Variants in SLC26A6 observed in about 807,000 individuals in gnomAD.
The protein encoded by SLC26A6 is anion exchange transporter.
SLC26A6 carries 67 observed loss-of-function variants against 87.1 expected under a neutral mutation model. The ratio of observed to expected loss-of-function variants is 0.77; its 90% confidence interval spans 0.63 to 0.94. The LOEUF is 0.94. Among genes scored for constraint, SLC26A6 ranks in the 40% least tolerant of loss-of-function variants. The pLI is 0.00. For missense variants in SLC26A6, 902 were observed against 973.0 expected (o/e 0.93, Z 0.97); for synonymous variants, 414 against 405.9 (o/e 1.02, Z -0.24).
chr3:48,630,296 GTC>G lies in SLC26A6; in HGVS notation c.1326+140_1327-140del, dbSNP rs1257682584. ...AACCCCCACCCAGCCCCTGACCCTTGTCTCCAAATCTCACCTTGAAGATCTCA... is the reference window on the plus strand; with the variant it reads ...AACCCCCACCCAGCCCCTGACCCTTGTCCAAATCTCACCTTGAAGATCTCA... On this transcript the variant is annotated intron_variant, in intron 11 of 20. Coordinates refer to ENST00000395550, the MANE Select transcript of SLC26A6 (RefSeq NM_022911.3). The G allele has an allele frequency of 5.2e-5, 68 of 1,299,662 alleles. 1 individual carries two copies. The South Asian group carries it at 9.0e-4, about 17-fold the overall frequency. 80.5% of individuals were successfully genotyped at this position (1,299,662 alleles called of 1,614,324 possible).
rs200158731 is a variant in SLC26A6 at position 48,632,292 on chromosome 3, G to A, written c.538C>T (p.Arg180Trp). The A allele has an allele frequency of 1.1e-5, 18 of 1,612,560 alleles. 1 individual carries two copies. The highest frequency in any genetic ancestry group is 1.6e-4 in the Middle Eastern group (1 of 6,080). Residue 180 changes from arginine (R) to tryptophan (W), a missense_variant, in exon 5 of 21, where the codon CGG becomes TGG. Coordinates refer to ENST00000395550, the MANE Select transcript of SLC26A6 (RefSeq NM_022911.3). ...CTGAGTGTGGAGGCCACCTGTACCC[G>A]GGCAGCATCTCTGGCTGTCTCATTG... The part of the protein sequence containing the change: ...MINETARDAA[R>W]VQVASTLSVL...
At chr3:48,632,680 G>A (rs1373169815) in intron 4 of SLC26A6, 3 of 689,174 alleles carry the variant, frequency 4.4e-6, no homozygotes, top group Admixed American at 4.1e-5. Flanking sequence ...TGTGGAGTAG[G>A]GAAGGGGTCA....
Position 48,632,357 on chromosome 3 carries a change from G to C in SLC26A6, c.473C>G (p.Thr158Arg). The change falls in exon 5 of 21, where the codon ACA (threonine) becomes AGA (arginine). Residue 158 changes from threonine to arginine, a missense_variant. Transcript: ENST00000395550. ...AVMSVMVGSV[T>R]ESLAPQALND... ...CAAGGCCTGCGGGGCCAGGGATTCT[G>C]TCACACTGCCCACCATCACAGACAT... The C allele has an allele frequency of 6.2e-7, 1 of 1,612,276 alleles. No homozygotes were observed. Among genetic ancestry groups the C allele is most frequent in the Non-Finnish European group, 8.5e-7 (1 of 1,179,376 alleles).
At chr3:48,632,156 C>T (rs1443603567) in intron 5 of SLC26A6, 89 bp downstream of exon 5, 26 of 1,576,390 alleles carry the variant, frequency 1.6e-5, no homozygotes, top group Admixed American at 3.5e-5. Context: ...AGGAGGACGA[C>T]GATGGTCAGA....
Position 48,633,316 on chromosome 3 carries a change from A to G in SLC26A6, c.257T>C (p.Val86Ala). 1 of 1,613,636 alleles carries G rather than the reference A, an allele frequency of 6.2e-7. No individual in the cohort carries two copies. Among genetic ancestry groups the G allele is most frequent in the Non-Finnish European group, 8.5e-7 (1 of 1,180,014 alleles). ...CAGGTCACCCAGGAGCCAGTCACGC[A>G]CAGGATACCGGGGTAACCAGACCAA... Reference protein sequence around the residue: ...PVLVWLPRYPVRDWLLGDLLS... With the variant: ...PVLVWLPRYPARDWLLGDLLS... The change falls in exon 3 of 21, where the codon GTG (valine) becomes GCG (alanine). Residue 86 changes from valine (V) to alanine (A), a missense_variant. This residue lies in a region of SLC26A6 where 800 missense variants were observed against 856.8 expected (regional missense o/e 0.93). Transcript: ENST00000395550.
intron 7 of SLC26A6, 99 bp from the exon 8 acceptor site, chr3:48,631,405 C>A: frequency 7.4e-7 from 1 of 1,352,526 alleles, no homozygotes; most frequent in Non-Finnish European, 9.8e-7. Context: ...TGGGCAAAAC[C>A]TTCTTCGAGG....
chr3:48,633,303 G>A lies in SLC26A6; in HGVS notation c.270C>T (p.Leu90=), dbSNP rs374762225. ...WLPRYPVRDW[L]LGDLLSGLSV... ...TCAGGCCGGATAACAGGTCACCCAGGAGCCAGTCACGCACAGGATACCGGG... is the reference window on the plus strand; with the variant it reads ...TCAGGCCGGATAACAGGTCACCCAGAAGCCAGTCACGCACAGGATACCGGG... Residue 90 remains leucine (L), a synonymous_variant, in exon 3 of 21, where the codon CTC becomes CTT. Transcript: ENST00000395550. The A allele has an allele frequency of 6.2e-7, 1 of 1,613,590 alleles. No individual in the cohort carries two copies. The highest frequency in any genetic ancestry group is 1.3e-5 in the African/African-American group (1 of 75,064).
Position 48,632,036 on chromosome 3 carries a change from C to G in SLC26A6, c.594G>C (p.Leu198=). The change falls in exon 6 of 21, where the codon CTG becomes CTC. Residue 198 remains leucine (L), a synonymous_variant. Coordinates refer to ENST00000395550, the MANE Select transcript of SLC26A6 (RefSeq NM_022911.3). ...SVLVGLFQVG[L]GLIHFGFVVT... ...CCACGAAGCCGAAGTGGATCAGGCC[C>G]AGCCCCACCTGTGGGGCGGCCAGGG... 2 of 1,613,208 alleles carry G rather than the reference C, an allele frequency of 1.2e-6. No individual in the cohort carries two copies. The highest frequency in any genetic ancestry group is 1.7e-6 in the Non-Finnish European group (2 of 1,179,954).
Position 48,633,634 on chromosome 3 carries a change from G to A in SLC26A6, c.25C>T (p.Pro9Ser), listed in dbSNP as rs1206347384. Residue 9 changes from proline to serine, a missense_variant and splice_region_variant, in exon 2 of 21, where the codon CCG becomes TCG. Coordinates refer to ENST00000395550, the MANE Select transcript of SLC26A6 (RefSeq NM_022911.3). The part of the protein sequence containing the change: MGLADASG[P>S]RDTQALLSAT... ...GACAGCAGTGCCTGTGTGTCCCTCG[G>A]TCTGGGGTGGCAAGACCAGAGAGAC... The A allele has an allele frequency of 6.2e-7, 1 of 1,613,306 alleles. No individual in the cohort carries two copies. The highest frequency in any genetic ancestry group is 1.7e-5 in the Admixed American group (1 of 60,008).
chr3:48,626,600 A>G (rs372641499), intron 19 of SLC26A6, 31 bp downstream of exon 19: 3 of 1,613,974 alleles, frequency 1.9e-6, no homozygotes, highest in South Asian at 2.2e-5. Flanking sequence ...CCCTCTTCCC[A>G]GGTCCCTCCT....
chr3:48,635,201 C>T (rs2046922595), intron 1 of SLC26A6, among the ~76,000 whole-genome samples, 170 bp downstream of exon 1: 1 of 152,030 alleles, frequency 6.6e-6, no homozygotes, highest in African/African-American at 2.4e-5. Context: ...CGCGCCGGCT[C>T]CCGCCCCCAC....
rs1038795349 is a variant in SLC26A6, at chr3:48,626,740, G to C, written c.2074-55C>G. On this transcript the variant is annotated intron_variant, in intron 18 of 20. Coordinates refer to ENST00000395550, the MANE Select transcript of SLC26A6 (RefSeq NM_022911.3). Reference sequence around the variant, plus strand: ...GGGAGGCTCAGGGACTCAGAGGGGGGCTCGGGCAGGCTTGGGGAGGGAGTT... The same window carrying C: ...GGGAGGCTCAGGGACTCAGAGGGGGCCTCGGGCAGGCTTGGGGAGGGAGTT... 3.7e-6 allele frequency: 6 copies of C among 1,611,582 alleles called. No homozygotes were observed. The Admixed American group carries it at 1.0e-4, about 27-fold the overall frequency.
rs776797541 is a variant in SLC26A6 at position 48,633,030 on chromosome 3, G to A, written c.377C>T (p.Ser126Phe). Residue 126 changes from serine (S) to phenylalanine (F), a missense_variant, in exon 4 of 21, where the codon TCC (serine) becomes TTC (phenylalanine). By Grantham distance (155) the Ser-to-Phe change is radical (BLOSUM62 -2). Coordinates refer to ENST00000395550, the MANE Select transcript of SLC26A6 (RefSeq NM_022911.3). ...GAAGTAGATGAAGACAGGGTAGAAG[G>A]AGCTATAGAGGCCAAACACGGGGGG... is the stretch of plus-strand genomic sequence containing the variant. ...GLPPVFGLYS[S>F]FYPVFIYFLF... 1.1e-5 allele frequency: 17 copies of A among 1,613,602 alleles called. No homozygotes were observed. The highest frequency in any genetic ancestry group is 8.3e-5 in the Admixed American group (5 of 59,984).
intron 11 of SLC26A6, 121 bp from the exon 12 acceptor site, chr3:48,630,278 A>G: frequency 7.6e-7 from 1 of 1,315,444 alleles, no homozygotes; most frequent in Non-Finnish European, 1.1e-6. Context: ...ACAAACCCCC[A>G]CCCAGCCCCT....
Position 48,633,385 on chromosome 3 carries a change from G to C in SLC26A6, c.188C>G (p.Ser63Cys). ...THQWRTWLQC[S>C]RARAYALLLQ... ...CAGAAGGGCATAGGCCCGAGCACGG[G>C]AGCACCTAGGGACATGATATGAGGG... The change falls in exon 3 of 21, where the codon TCC becomes TGC. Residue 63 changes from serine to cysteine, a missense_variant. Physicochemically the swap from Ser to Cys is moderately radical, Grantham distance 112. Coordinates refer to ENST00000395550, the MANE Select transcript of SLC26A6 (RefSeq NM_022911.3). 1 of 1,613,390 alleles carries C rather than the reference G, an allele frequency of 6.2e-7. No individual in the cohort carries two copies. Among genetic ancestry groups the C allele is most frequent in the South Asian group, 1.1e-5 (1 of 91,090 alleles).
In SLC26A6 at chr3:48,627,961, C is replaced by A; in HGVS notation, c.1878G>T (p.Glu626Asp). ...SLEDMRSNNV[E>D]DCKMMQVSSG... The stretch of plus-strand genomic sequence containing the variant: ...CCAGTCTCACCATCATCTTGCAGTC[C>A]TCAACGTTGTTGCTCCTCATGTCTT... The change falls in exon 17 of 21, where the codon GAG (glutamate) becomes GAT (aspartate). Residue 626 changes from glutamate (E) to aspartate (D), a missense_variant. By Grantham distance (45) the Glu-to-Asp change is conservative. Coordinates refer to ENST00000395550, the MANE Select transcript of SLC26A6 (RefSeq NM_022911.3). The A allele has an allele frequency of 6.3e-7, 1 of 1,592,472 alleles. No individual in the cohort carries two copies. Among genetic ancestry groups the A allele is most frequent in the South Asian group, 1.1e-5 (1 of 87,060 alleles).
chr3:48,633,023 G>A lies in SLC26A6; in HGVS notation c.384C>T (p.Tyr128=). Residue 128 remains tyrosine (Y), a synonymous_variant, in exon 4 of 21, where the codon TAC becomes TAT. Coordinates refer to ENST00000395550, the MANE Select transcript of SLC26A6 (RefSeq NM_022911.3). ...CAAACAGGAAGTAGATGAAGACAGG[G>A]TAGAAGGAGCTATAGAGGCCAAACA... ...PPVFGLYSSF[Y]PVFIYFLFGT... The A allele has an allele frequency of 6.2e-7, 1 of 1,613,750 alleles. No homozygotes were observed. The highest frequency in any genetic ancestry group is 8.5e-7 in the Non-Finnish European group (1 of 1,179,968).
chr3:48,626,494 T>C, intron 19 of SLC26A6, 137 bp downstream of exon 19: 2 of 1,535,118 alleles, frequency 1.3e-6, no homozygotes, highest in Admixed American at 1.7e-5. Context: ...CTTGTAACCC[T>C]GGACTCCTGT....
intron 18 of SLC26A6, 65 bp downstream of exon 18, chr3:48,626,811 C>T (rs778958210): frequency 5.6e-6 from 9 of 1,604,442 alleles, no homozygotes; most frequent in Non-Finnish European, 7.7e-6. Flanking sequence ...GCTGGGAGTG[C>T]TCTCAGGGCA....
Sources: gnomAD v4.1 joint callset for allele counts (sites outside exome capture counted in the v4.1 genomes callset) on GRCh38, gnomAD v4.1.1 for gene constraint, gnomAD v4.1.1 regional missense constraint, MANE v1.5 for transcripts, NCBI Gene and HGNC (gene_info 2026-07-23, HGNC 2026-07-21) for gene names.